FSCN1: variants seen among roughly 807,000 people sequenced by gnomAD.
FSCN1 encodes fascin.
FSCN1 carries 10 observed loss-of-function variants against 39.7 expected under a neutral mutation model. The observed-to-expected ratio is 0.25, with a 90% CI of 0.16 to 0.43. The LOEUF is 0.43. Ranked by LOEUF, FSCN1 falls within the 20% of genes least tolerant of loss-of-function variation. The probability of loss-of-function intolerance (pLI) is 1.00; values close to 1 mark genes in which losing one functional copy is unlikely to be tolerated. For missense variants in FSCN1, 525 were observed against 723.8 expected, an observed-to-expected ratio of 0.73 and a Z score of 3.15; for synonymous variants, 322 against 320.0, an observed-to-expected ratio of 1.01 and a Z score of -0.07.
chr7:5,605,250 C>CT lies in FSCN1; in HGVS notation c.1280-20dup, dbSNP rs756057196. On this transcript the variant is annotated intron_variant, in intron 4 of 4. Transcript: ENST00000382361. This position sits in a 1 kb window ranked among gnomAD's most constrained non-coding sequence, Gnocchi z 6.9. ...GTGGGGAGCCAGGCTTTGGGCCCCA[C>CT]TTGATAAAGTCCCCTCCCCAGACTC... 2 of 1,595,616 alleles carry CT rather than the reference C, an allele frequency of 1.3e-6. No individual in the cohort carries two copies. The highest frequency in any genetic ancestry group is 3.3e-5 in the Admixed American group (2 of 59,882).
intron 1 of FSCN1, among the ~76,000 whole-genome samples, chr7:5,597,526 G>A (rs1310269202): frequency 1.3e-5 from 2 of 152,094 alleles, no homozygotes. Context: ...AATTAGCCGG[G>A]CGTGGTGGCG....
rs1785660045 is a variant in FSCN1, at chr7:5,592,966, G to A, written c.30G>A (p.Val10=). The A allele has an allele frequency of 1.9e-6, 3 of 1,580,746 alleles. No homozygotes were observed. The highest frequency in any genetic ancestry group is 4.6e-5 in the East Asian group (2 of 43,178). ...CCGCCAACGGCACAGCCGAGGCGGT[G>A]CAGATCCAGTTCGGCCTCATCAACT... MTANGTAEA[V]QIQFGLINCG... The change falls in exon 1 of 5, where the codon GTG becomes GTA. Residue 10 remains valine (V), a synonymous_variant. Coordinates refer to ENST00000382361, the MANE Select transcript of FSCN1 (RefSeq NM_003088.4). The surrounding 1 kb of genome is among the most constrained non-coding windows in gnomAD (Gnocchi z 5.3).
intron 1 of FSCN1, among the ~76,000 whole-genome samples, chr7:5,597,692 A>AC (rs1785755265): frequency 6.6e-6 from 1 of 151,800 alleles, no homozygotes; most frequent in Admixed American, 6.6e-5. Context: ...AACAAAAAAA[A>AC]CAACCAAAAC....
In FSCN1 at chr7:5,593,974, C is replaced by T. The variant is rs1265355115; in HGVS notation, c.832+206C>T. ...CCCATCCTCGGGTGCCGCTGCCCAC[C>T]TCCCACCCCGGGCTGGGATCATGGG... On this transcript the variant is annotated intron_variant, in intron 1 of 4. Transcript: ENST00000382361. 5.4e-6 allele frequency: 3 copies of T among 557,966 alleles called. No individual in the cohort carries two copies. In the Admixed American group the frequency reaches 1.1e-4, roughly 20 times the overall value. 34.6% of individuals were successfully genotyped at this position (557,966 alleles called of 1,614,324 possible).
chr7:5,604,189 C>A (rs1331915461), intron 4 of FSCN1, among the ~76,000 whole-genome samples, 159 bp downstream of exon 4: 1 of 152,134 alleles, frequency 6.6e-6, no homozygotes, highest in African/African-American at 2.4e-5. Context: ...ACCAGGGGCT[C>A]TGGGATGCAA....
In FSCN1 at chr7:5,593,091, C is replaced by T. The variant is rs747695674; in HGVS notation, c.155C>T (p.Pro52Leu). 3 of 1,605,808 alleles carry T rather than the reference C, an allele frequency of 1.9e-6. No individual in the cohort carries two copies. The highest frequency in any genetic ancestry group is 4.5e-5 in the East Asian group (2 of 44,624). ...KKQIWTLEQP[P>L]DEAGSAAVCL... ...CAGATCTGGACGCTGGAGCAGCCCC[C>T]TGACGAGGCGGGCAGCGCGGCCGTG... is the stretch of plus-strand genomic sequence containing the variant. Residue 52 changes from proline (P) to leucine (L), a missense_variant, in exon 1 of 5, where the codon CCT (proline) becomes CTT (leucine). Transcript: ENST00000382361.
Position 5,605,244 on chromosome 7 carries a change from G to A in FSCN1, c.1280-28G>A. Reference sequence around the variant, plus strand: ...GTAGGGGTGGGGAGCCAGGCTTTGGGCCCCACTTGATAAAGTCCCCTCCCC... The same window carrying A: ...GTAGGGGTGGGGAGCCAGGCTTTGGACCCCACTTGATAAAGTCCCCTCCCC... On this transcript the variant is annotated intron_variant, in intron 4 of 4. Transcript: ENST00000382361. This position sits in a 1 kb window ranked among gnomAD's most constrained non-coding sequence, Gnocchi z 6.9. 1 of 1,571,632 alleles carries A rather than the reference G, an allele frequency of 6.4e-7. No individual in the cohort carries two copies. The highest frequency in any genetic ancestry group is 8.7e-7 in the Non-Finnish European group (1 of 1,142,910).
intron 4 of FSCN1, 120 bp downstream of exon 4, chr7:5,604,150 G>A (rs1785886631): frequency 1.2e-6 from 1 of 867,894 alleles, no homozygotes; most frequent in African/African-American, 1.7e-5. Context: ...GGCCATTCCA[G>A]GCCCTAAAGG....
intron 1 of FSCN1, among the ~76,000 whole-genome samples, chr7:5,598,591 C>T (rs3801004): frequency 3.3e-5 from 5 of 152,142 alleles, no homozygotes; most frequent in African/African-American, 9.7e-5. Context: ...TGTGTGAGGA[C>T]GAGCCCTGTA....
rs750229876 is a variant in FSCN1, at chr7:5,603,887, A to G, written c.1136A>G (p.Lys379Arg). The G allele has an allele frequency of 6.2e-7, 1 of 1,613,662 alleles. No individual in the cohort carries two copies. The highest frequency in any genetic ancestry group is 1.7e-5 in the Admixed American group (1 of 59,996). ...GGGGACTCAGAGCTCTTCCTCATGAAGCTCATCAACCGCCCCATCATCGTG... is the reference window on the plus strand; with the variant it reads ...GGGGACTCAGAGCTCTTCCTCATGAGGCTCATCAACCGCCCCATCATCGTG... ...TAGDSELFLM[K>R]LINRPIIVFR... The change falls in exon 4 of 5, where the codon AAG (lysine) becomes AGG (arginine). Residue 379 changes from lysine (K) to arginine (R), a missense_variant. Around this residue, in one of 3 missense-constraint regions of FSCN1, gnomAD observed 275 missense variants for 351.9 expected, o/e 0.78. Coordinates refer to ENST00000382361, the MANE Select transcript of FSCN1 (RefSeq NM_003088.4). This position sits in a 1 kb window ranked among gnomAD's most constrained non-coding sequence, Gnocchi z 8.5.
chr7:5,598,058 C>T (rs1036840348), intron 1 of FSCN1, among the ~76,000 whole-genome samples: 23 of 152,238 alleles, frequency 1.5e-4, no homozygotes, highest in Admixed American at 7.9e-4. Context: ...ACTGGGGGGA[C>T]GACACCCCTT....
chr7:5,599,417 A>G lies in FSCN1; in HGVS notation c.833-3840A>G, dbSNP rs773962940. On this transcript the variant is annotated intron_variant, in intron 1 of 4. Coordinates refer to ENST00000382361, the MANE Select transcript of FSCN1 (RefSeq NM_003088.4). The surrounding 1 kb of genome is among the most constrained non-coding windows in gnomAD (Gnocchi z 5.6). ...TTCTCTTGCTGTGTGACCTTAGGCA[A>G]GGACATGCCACCACCGGCCTTAGTC... is the stretch of plus-strand genomic sequence containing the variant. Among the ~76,000 whole-genome samples, 1 of 152,150 alleles carries G rather than the reference A, an allele frequency of 6.6e-6. No homozygotes were observed. Among genetic ancestry groups the G allele is most frequent in the South Asian group, 2.1e-4 (1 of 4,828 alleles).
In FSCN1 at chr7:5,593,710, G is replaced by C. The variant is rs886504870; in HGVS notation, c.774G>C (p.Gln258His). ...AGGACGAGCTCTTTGCTCTGGAGCA[G>C]AGCTGCGCCCAGGTCGTGCTGCAGG... ...VGKDELFALE[Q>H]SCAQVVLQAA... Residue 258 changes from glutamine (Q) to histidine (H), a missense_variant, in exon 1 of 5, where the codon CAG becomes CAC. By Grantham distance (24) the Gln-to-His change is conservative (BLOSUM62 0). This residue lies in a region of FSCN1 where 275 missense variants were observed against 351.9 expected (regional missense o/e 0.78). Coordinates refer to ENST00000382361, the MANE Select transcript of FSCN1 (RefSeq NM_003088.4). 24 of 1,594,154 alleles carry C rather than the reference G, an allele frequency of 1.5e-5. No individual in the cohort carries two copies. Among genetic ancestry groups the C allele is most frequent in the Non-Finnish European group, 1.8e-5 (21 of 1,176,836 alleles).
At chr7:5,600,901 G>A (rs1389871812) in intron 1 of FSCN1, among the ~76,000 whole-genome samples, 1 of 134,112 alleles carries the variant, frequency 7.5e-6, no homozygotes, top group Non-Finnish European at 1.6e-5. Flanking sequence ...TGATCCGCCT[G>A]CCTCGGCCTC....
chr7:5,605,273 C>G lies in FSCN1; in HGVS notation c.1281C>G (p.Asp427Glu). ...CACTTGATAAAGTCCCCTCCCCAGA[C>G]TCCACAGGCAAATACTGGACGGTGG... ...EFNDGAYNIK[D>E]STGKYWTVGS... Residue 427 changes from aspartate (D) to glutamate (E), a missense_variant and splice_region_variant, in exon 5 of 5, where the codon GAC (aspartate) becomes GAG (glutamate). Coordinates refer to ENST00000382361, the MANE Select transcript of FSCN1 (RefSeq NM_003088.4). This position sits in a 1 kb window ranked among gnomAD's most constrained non-coding sequence, Gnocchi z 6.9. 1 of 1,612,038 alleles carries G rather than the reference C, an allele frequency of 6.2e-7. No individual in the cohort carries two copies. The highest frequency in any genetic ancestry group is 8.5e-7 in the Non-Finnish European group (1 of 1,178,270).
chr7:5,594,032 G>A, intron 1 of FSCN1: 2 of 501,658 alleles, frequency 4.0e-6, no homozygotes, highest in South Asian at 2.6e-5. Flanking sequence ...GCAACCGTAC[G>A]TGCACCCTCC....
rs1330125987 is a variant in FSCN1 at position 5,603,705 on chromosome 7, G to A, written c.1111+88G>A. On this transcript the variant is annotated intron_variant, in intron 3 of 4. Transcript: ENST00000382361. The surrounding 1 kb of genome is among the most constrained non-coding windows in gnomAD (Gnocchi z 8.5). ...TGGTCACTTGGTAGCCCCAGCCAAG[G>A]CCTGCTCTGTGCTGGGCATCCCCCC... 1.3e-6 allele frequency: 2 copies of A among 1,577,052 alleles called. No individual in the cohort carries two copies. The highest frequency in any genetic ancestry group is 8.7e-7 in the Non-Finnish European group (1 of 1,151,846).
chr7:5,595,047 G>T (rs755099350), intron 1 of FSCN1, among the ~76,000 whole-genome samples: 1 of 152,272 alleles, frequency 6.6e-6, no homozygotes, highest in Non-Finnish European at 1.5e-5. Context: ...TGGAGGGAGG[G>T]GCGTGGGGGG....
intron 1 of FSCN1, among the ~76,000 whole-genome samples, chr7:5,597,341 C>T (rs931036345): frequency 5.3e-5 from 8 of 152,236 alleles, no homozygotes; most frequent in Admixed American, 2.0e-4. Flanking sequence ...TGCACTCCAG[C>T]CTGGGCAACA....
Sources: gnomAD v4.1 joint callset for allele counts (sites outside exome capture counted in the v4.1 genomes callset) on GRCh38, gnomAD v4.1.1 for gene constraint, gnomAD v4.1.1 regional missense constraint, Gnocchi (gnomAD v3.1) non-coding constraint, MANE v1.5 for transcripts, NCBI Gene and HGNC (gene_info 2026-07-23, HGNC 2026-07-21) for gene names.